The following GRID1 variants were observed in gnomAD, a reference collection of about 807,000 sequenced individuals.
GRID1 encodes glutamate receptor ionotropic, delta-1.
Under a neutral mutation model 98.0 loss-of-function variants are expected in GRID1, and 28 were observed. That is an observed-to-expected ratio of 0.29 (90% CI 0.21 to 0.39). The LOEUF is 0.39. GRID1 is among the 10% of genes least tolerant of loss of function. The pLI is 1.00. For synonymous variants in GRID1, 553 were observed against 538.5 expected, an observed-to-expected ratio of 1.03 and a Z score of -0.37; for missense variants, 1,111 against 1,340.5, an observed-to-expected ratio of 0.83 and a Z score of 2.67.
chr10:86,002,870 G>A (rs532388807), intron 4 of GRID1, among the ~76,000 whole-genome samples: 2 of 152,160 alleles, frequency 1.3e-5, no homozygotes, highest in African/African-American at 2.4e-5. Flanking sequence ...CATGTATTGT[G>A]CTGGGGATAC....
At chr10:85,728,753 G>A (rs1841790370) in intron 9 of GRID1, among the ~76,000 whole-genome samples, 1 of 152,146 alleles carries the variant, frequency 6.6e-6, no homozygotes, top group Admixed American at 6.5e-5. Context: ...ACAGCTCCAG[G>A]GAGTATAGCT....
intron 12 of GRID1, among the ~76,000 whole-genome samples, chr10:85,710,862 C>T (rs559054956): frequency 3.3e-5 from 5 of 152,018 alleles, no homozygotes; most frequent in South Asian, 2.1e-4. Context: ...CATACAAATG[C>T]ACAAAATTTT....
At chr10:86,294,746 T>A (rs1847563268) in intron 2 of GRID1, among the ~76,000 whole-genome samples, 1 of 152,106 alleles carries the variant, frequency 6.6e-6, no homozygotes, top group Non-Finnish European at 1.5e-5. Flanking sequence ...GACTGCAAAG[T>A]CCTCCATGGG....
At chr10:85,628,327 ATG>A (rs1224563581) in intron 13 of GRID1, among the ~76,000 whole-genome samples, 1 of 151,028 alleles carries the variant, frequency 6.6e-6, no homozygotes, top group Non-Finnish European at 1.5e-5. Context: ...GTGTGAGGGA[ATG>A]TGTGTGTGTG....
chr10:85,739,369 C>A (rs1297422216), intron 8 of GRID1, among the ~76,000 whole-genome samples: 2 of 151,992 alleles, frequency 1.3e-5, no homozygotes, highest in African/African-American at 4.8e-5. Flanking sequence ...CACTTGAGCC[C>A]AGGAGATTGA....
intron 13 of GRID1, among the ~76,000 whole-genome samples, chr10:85,634,956 T>C (rs1167011759): frequency 1.7e-5 from 2 of 119,640 alleles, no homozygotes; most frequent in Non-Finnish European, 3.2e-5. Flanking sequence ...GTGAAGCGTA[T>C]CAGACCTGGG....
At chr10:86,319,677 G>C (rs1006804725) in intron 2 of GRID1, among the ~76,000 whole-genome samples, 2 of 152,220 alleles carry the variant, frequency 1.3e-5, no homozygotes, top group Admixed American at 1.3e-4. Context: ...CTGCCTCAGA[G>C]GCTTCCATGA....
At chr10:86,162,824 T>C (rs1005867850) in intron 3 of GRID1, among the ~76,000 whole-genome samples, 2 of 152,158 alleles carry the variant, frequency 1.3e-5, no homozygotes, top group African/African-American at 4.8e-5. Flanking sequence ...TTCTGGGTCA[T>C]GCCCTGTGCA....
chr10:86,029,946 T>G (rs1843163322), intron 4 of GRID1, among the ~76,000 whole-genome samples: 1 of 152,236 alleles, frequency 6.6e-6, no homozygotes, highest in South Asian at 2.1e-4. Flanking sequence ...ATGTTACCCT[T>G]GCAGGAATTG....
chr10:85,994,449 T>G (rs1003894430), intron 4 of GRID1, among the ~76,000 whole-genome samples: 1 of 152,216 alleles, frequency 6.6e-6, no homozygotes. Flanking sequence ...CCGACATCTC[T>G]GCCCTTAAAT....
At chr10:85,662,312 T>C (rs990676049) in intron 12 of GRID1, among the ~76,000 whole-genome samples, 1 of 152,214 alleles carries the variant, frequency 6.6e-6, no homozygotes, top group South Asian at 2.1e-4. Flanking sequence ...TGTTCCTTCA[T>C]GGGTTTGGCT....
chr10:85,677,614 C>A (rs1163176006), intron 12 of GRID1, among the ~76,000 whole-genome samples: 1 of 152,038 alleles, frequency 6.6e-6, no homozygotes, highest in East Asian at 1.9e-4. Context: ...AGATGAATAC[C>A]CAAGTCTACA....
chr10:85,991,608 C>T (rs1005597693), intron 4 of GRID1, among the ~76,000 whole-genome samples: 3 of 152,150 alleles, frequency 2.0e-5, no homozygotes, highest in Non-Finnish European at 4.4e-5. Flanking sequence ...TGGGCTGATG[C>T]TGATATCATA....
intron 4 of GRID1, among the ~76,000 whole-genome samples, chr10:86,110,130 G>C (rs553382740): frequency 1.3e-5 from 2 of 151,952 alleles, no homozygotes; most frequent in Non-Finnish European, 2.9e-5. Flanking sequence ...GTGCCACCAC[G>C]CCTGGCTAAT....
chr10:86,282,211 A>C (rs1351694848), intron 2 of GRID1, among the ~76,000 whole-genome samples: 1 of 152,184 alleles, frequency 6.6e-6, no homozygotes, highest in Non-Finnish European at 1.5e-5. Context: ...GCAGATGTTC[A>C]AGCAGTGCCC....
chr10:85,813,037 A>G (rs1842686407), intron 8 of GRID1, among the ~76,000 whole-genome samples: 1 of 151,868 alleles, frequency 6.6e-6, no homozygotes, highest in African/African-American at 2.4e-5. Context: ...AAACAATTCA[A>G]TCTGAAGAGA....
At chr10:86,051,007 G>A (rs1043370097) in intron 4 of GRID1, among the ~76,000 whole-genome samples, 10 of 151,534 alleles carry the variant, frequency 6.6e-5, no homozygotes, top group African/African-American at 2.4e-4. Context: ...GAACCCAGGG[G>A]ACAGAGGTTG....
At chr10:85,616,022 G>T (rs1842783930) in intron 14 of GRID1, among the ~76,000 whole-genome samples, 1 of 152,172 alleles carries the variant, frequency 6.6e-6, no homozygotes, top group Non-Finnish European at 1.5e-5. Flanking sequence ...CTACCTCACA[G>T]GATATTGCGA....
chr10:86,253,817 T>G (rs1018449617), intron 2 of GRID1, among the ~76,000 whole-genome samples: 1 of 152,056 alleles, frequency 6.6e-6, no homozygotes, highest in African/African-American at 2.4e-5. Flanking sequence ...TCACGATCCA[T>G]GACACAGCAA....
Sources: gnomAD v4.1 joint callset for allele counts (sites outside exome capture counted in the v4.1 genomes callset) on GRCh38, gnomAD v4.1.1 for gene constraint, MANE v1.5 for transcripts, NCBI Gene and HGNC (gene_info 2026-07-23, HGNC 2026-07-21) for gene names.